Variants in RNF185 observed in about 807,000 individuals in gnomAD.
The protein encoded by RNF185 is E3 ubiquitin-protein ligase RNF185.
Under a neutral mutation model 24.9 loss-of-function variants are expected in RNF185, and 13 were observed. That is an observed-to-expected ratio of 0.52 (90% CI 0.34 to 0.83). The LOEUF is 0.83. Among genes scored for constraint, RNF185 ranks in the 40% least tolerant of loss-of-function variants. The pLI, the probability that RNF185 is intolerant of heterozygous loss-of-function variation, is 0.01. For missense variants in RNF185, 184 were observed against 244.7 expected, an observed-to-expected ratio of 0.75 and a Z score of 1.65; for synonymous variants, 79 against 90.3, an observed-to-expected ratio of 0.88 and a Z score of 0.71.
chr22:31,189,135 A>AGATGTGTGTG (rs1555882536), intron 2 of RNF185, among the ~76,000 whole-genome samples: 1 of 136,872 alleles, frequency 7.3e-6, no homozygotes. Flanking sequence ...CAAAAAAAAA[A>AGATGTGTGTG]TGTGTGTGTG....
At chr22:31,165,835 T>G (rs750990866) in intron 1 of RNF185, among the ~76,000 whole-genome samples, 63 of 152,206 alleles carry the variant, frequency 4.1e-4, no homozygotes, top group Admixed American at 7.9e-4. Flanking sequence ...GTGGTTTGAA[T>G]GCTCAGGACT....
rs1459456961 is a variant in RNF185, at chr22:31,205,658, T to C, written c.*1072T>C. 1 of 152,218 alleles carries C rather than the reference T, an allele frequency of 6.6e-6. No homozygotes were observed. Among genetic ancestry groups the C allele is most frequent in the Non-Finnish European group, 1.5e-5 (1 of 68,052 alleles). 9.4% of individuals were successfully genotyped at this position (152,218 alleles called of 1,614,324 possible). Reference sequence around the variant, plus strand: ...GGCAAGGAAAGGGGAAACCCACATGTGACCCTGATTTTGGTATGGCTTGAT... The same window carrying C: ...GGCAAGGAAAGGGGAAACCCACATGCGACCCTGATTTTGGTATGGCTTGAT... On this transcript the variant is annotated 3_prime_UTR_variant, in exon 7 of 7. Transcript: ENST00000326132.
chr22:31,162,642 A>T (rs1923649861), intron 1 of RNF185, among the ~76,000 whole-genome samples: 1 of 150,582 alleles, frequency 6.6e-6, no homozygotes, highest in Non-Finnish European at 1.5e-5. Context: ...TAATTGAAGC[A>T]CACGTTAGCA....
At chr22:31,182,021 TA>T (rs995318125) in intron 1 of RNF185, among the ~76,000 whole-genome samples, 4 of 148,808 alleles carry the variant, frequency 2.7e-5, no homozygotes, top group Non-Finnish European at 5.9e-5. Context: ...TATATATATT[TA>T]AAAAAATGTG....
chr22:31,182,445 A>G (rs2048048672), intron 1 of RNF185, among the ~76,000 whole-genome samples: 1 of 151,716 alleles, frequency 6.6e-6, no homozygotes, highest in South Asian at 2.1e-4. Flanking sequence ...GCACCACCAC[A>G]CCCAGCTAAT....
At chr22:31,164,257 A>G (rs1232183093) in intron 1 of RNF185, among the ~76,000 whole-genome samples, 1 of 152,222 alleles carries the variant, frequency 6.6e-6, no homozygotes, top group East Asian at 1.9e-4. Flanking sequence ...CTGGGATTAC[A>G]GCCGTGAGCC....
chr22:31,194,382 C>T (rs2048183808), intron 3 of RNF185, among the ~76,000 whole-genome samples: 1 of 152,104 alleles, frequency 6.6e-6, no homozygotes, highest in Non-Finnish European at 1.5e-5. Context: ...AAATGATCAG[C>T]TTATCTCCTG....
At chr22:31,180,075 AAAACCAGAACATGGGGTGG>A (rs1438497746) in intron 1 of RNF185, among the ~76,000 whole-genome samples, 4 of 151,398 alleles carry the variant, frequency 2.6e-5, no homozygotes, top group Non-Finnish European at 5.9e-5. Flanking sequence ...AGGATTGGGG[AAAACCAGAACATGGGGTGG>A]AAACCAGAAC....
rs4820952 is a variant in RNF185 at position 31,190,348 on chromosome 22, G to A, written c.177-2336G>A. On this transcript the variant is annotated intron_variant, in intron 2 of 6. Coordinates refer to ENST00000326132, the MANE Select transcript of RNF185 (RefSeq NM_152267.4). The stretch of plus-strand genomic sequence containing the variant: ...GTTGCCCAGGCTGGAGTGCAGTGGC[G>A]TGATCTTGGCTCACTGCAACCTCTG... Among the ~76,000 whole-genome samples, 5,463 of 151,880 alleles carry A rather than the reference G, an allele frequency of 0.036. 517 individuals carry two copies. The East Asian group carries it at 0.39, about 11-fold the overall frequency.
chr22:31,194,223 G>A (rs1490881472), intron 3 of RNF185, among the ~76,000 whole-genome samples: 3 of 151,976 alleles, frequency 2.0e-5, no homozygotes, highest in Non-Finnish European at 4.4e-5. Flanking sequence ...AATGTAACCA[G>A]TGAAAGGGCC....
At chr22:31,194,117 T>C (rs1346624071) in intron 3 of RNF185, among the ~76,000 whole-genome samples, 1 of 151,678 alleles carries the variant, frequency 6.6e-6, no homozygotes, top group African/African-American at 2.4e-5. Flanking sequence ...ACGCTGGTCT[T>C]GAACTGCTGA....
At chr22:31,186,272 T>C (rs1464261911) in intron 1 of RNF185, among the ~76,000 whole-genome samples, 1 of 152,122 alleles carries the variant, frequency 6.6e-6, no homozygotes, top group East Asian at 1.9e-4. Context: ...CCTTATTAGC[T>C]TCCTATCCTT....
At chr22:31,168,791 C>T (rs147320200) in intron 1 of RNF185, among the ~76,000 whole-genome samples, 90 of 152,290 alleles carry the variant, frequency 5.9e-4, no homozygotes, top group African/African-American at 2.1e-3. Context: ...TTTTGATTTG[C>T]ATTTCCCTGA....
chr22:31,201,158 T>C (rs1386877749), intron 5 of RNF185, among the ~76,000 whole-genome samples: 4 of 152,216 alleles, frequency 2.6e-5, no homozygotes, highest in African/African-American at 9.6e-5. Flanking sequence ...TAGAAGGTGT[T>C]ACTAGCTAAT....
intron 1 of RNF185, among the ~76,000 whole-genome samples, chr22:31,173,439 A>ACACACACT (rs2047951080): frequency 6.6e-6 from 1 of 151,722 alleles, no homozygotes; most frequent in Admixed American, 6.6e-5. Context: ...ACACACACAC[A>ACACACACT]CACGTATGTA....
intron 1 of RNF185, among the ~76,000 whole-genome samples, chr22:31,180,270 C>T (rs2048021061): frequency 6.6e-6 from 1 of 152,124 alleles, no homozygotes; most frequent in African/African-American, 2.4e-5. Flanking sequence ...CAAGAGCAGC[C>T]TGGCCAACAT....
chr22:31,194,083 C>T (rs891723087), intron 3 of RNF185, among the ~76,000 whole-genome samples: 1 of 151,290 alleles, frequency 6.6e-6, no homozygotes, highest in Non-Finnish European at 1.5e-5. Context: ...TTAGTAGAGA[C>T]AACGGAGTTT....
At chr22:31,162,304 G>A (rs1468622726) in intron 1 of RNF185, among the ~76,000 whole-genome samples, 2 of 152,076 alleles carry the variant, frequency 1.3e-5, no homozygotes, top group African/African-American at 4.8e-5. Context: ...ATGTTATCCA[G>A]GTACTGGGTA....
intron 1 of RNF185, among the ~76,000 whole-genome samples, chr22:31,176,948 G>A (rs946159258): frequency 1.3e-5 from 2 of 152,184 alleles, no homozygotes; most frequent in Non-Finnish European, 2.9e-5. Flanking sequence ...AAAAAGAGAC[G>A]TTAAAATCAT....
Sources: gnomAD v4.1 joint callset for allele counts (sites outside exome capture counted in the v4.1 genomes callset) on GRCh38, gnomAD v4.1.1 for gene constraint, MANE v1.5 for transcripts, NCBI Gene and HGNC (gene_info 2026-07-23, HGNC 2026-07-21) for gene names.